The following PIK3IP1 variants were observed in gnomAD, a reference collection of about 807,000 sequenced individuals.
PIK3IP1 encodes the protein phosphoinositide-3-kinase-interacting protein 1.
A neutral mutation model predicts 30.7 loss-of-function variants in PIK3IP1; 28 were observed. The observed-to-expected ratio is 0.91, with a 90% CI of 0.68 to 1.25. PIK3IP1 has a LOEUF of 1.25. PIK3IP1 is among the 50% of genes most tolerant of loss of function. The pLI is 0.00. For missense variants in PIK3IP1, 333 were observed against 346.2 expected, an observed-to-expected ratio of 0.96 and a Z score of 0.30; for synonymous variants, 159 against 140.8, an observed-to-expected ratio of 1.13 and a Z score of -0.91.
rs2049089861 is a variant in PIK3IP1, at chr22:31,281,609, TTTTAA to T, written c.*1470_*1474del. The T allele has an allele frequency of 6.6e-6, 1 of 152,598 alleles. No homozygotes were observed. Among genetic ancestry groups the T allele is most frequent in the African/African-American group, 2.4e-5 (1 of 41,442 alleles). The allele number at this position is 152,598 out of a possible 1,614,324, so 9.5% of individuals were successfully genotyped here. A position where few individuals can be genotyped will look rare whatever the true frequency, so the allele number is the denominator to read the frequency against. ...TTGGCAATGTGGAGTCTTTTTTTTT[TTTTAA>T]TTAAGTCAAATGCAGAGCAATTTCC... On this transcript the variant is annotated 3_prime_UTR_variant, in exon 6 of 6. Transcript: ENST00000215912.
chr22:31,290,744 C>G (rs5997944), intron 3 of PIK3IP1: 1 of 599,078 alleles, frequency 1.7e-6, no homozygotes, highest in Non-Finnish European at 2.7e-6. Context: ...CCTCGCCCCG[C>G]GCAGTTGTTT....
In PIK3IP1 at chr22:31,292,276, T is replaced by C. The variant is rs1376351358; in HGVS notation, c.69A>G (p.Gly23=). 1.2e-6 allele frequency: 2 copies of C among 1,613,900 alleles called. No homozygotes were observed. Among genetic ancestry groups the C allele is most frequent in the South Asian group, 1.1e-5 (1 of 91,080 alleles). The change falls in exon 1 of 6, where the codon GGA becomes GGG. Residue 23 remains glycine (G), a splice_region_variant and synonymous_variant. Transcript: ENST00000215912. ...NMLLAEAYGS[G]GCFWDNGHLY... Reference sequence around the variant, plus strand: ...GGAAAGGAAAGATTGTAATCTCACCTCCAGATCCATAGGCTTCTGCTAGGA... The same window carrying C: ...GGAAAGGAAAGATTGTAATCTCACCCCCAGATCCATAGGCTTCTGCTAGGA...
At chr22:31,291,365 CAG>C (rs1420652340) in intron 1 of PIK3IP1, 69 bp from the exon 2 acceptor site, 14 of 1,485,782 alleles carry the variant, frequency 9.4e-6, no homozygotes, top group African/African-American at 1.4e-5. Flanking sequence ...GCGTGGCGGA[CAG>C]GGGAGCCGGG....
intron 3 of PIK3IP1, chr22:31,290,361 C>G (rs1404977022): frequency 6.6e-6 from 1 of 152,274 alleles, no homozygotes; most frequent in Non-Finnish European, 1.5e-5. Flanking sequence ...TGCACTCCAG[C>G]CTGGGTGACA....
In PIK3IP1 at chr22:31,289,883, G is replaced by A. The variant is rs372588625; in HGVS notation, c.308-184C>T. 208 of 576,732 alleles carry A rather than the reference G, an allele frequency of 3.6e-4. 7 individuals carry two copies. In the South Asian group the frequency reaches 4.7e-3, roughly 13 times the overall value. The allele number at this position is 576,732 out of a possible 1,614,324, so 35.7% of individuals were successfully genotyped here. A position where few individuals can be genotyped will look rare whatever the true frequency, so the allele number is the denominator to read the frequency against. On this transcript the variant is annotated intron_variant, in intron 3 of 5. Transcript: ENST00000215912. The stretch of plus-strand genomic sequence containing the variant: ...GCCTGAGAGGGCTGAACCATCTCAG[G>A]GACAAGGCAAATGAGAGAGGAAGGC...
Position 31,288,328 on chromosome 22 carries a change from G to A in PIK3IP1, c.587+987C>T, listed in dbSNP as rs911792982. On this transcript the variant is annotated intron_variant, in intron 5 of 5. Coordinates refer to ENST00000215912, the MANE Select transcript of PIK3IP1 (RefSeq NM_052880.5). ...TGGGAGGTTGAGGCTGCAGTGAGCC[G>A]TGATCGCACCACTGCACTCAAGCCT... 1.1e-4 allele frequency among the ~76,000 whole-genome samples: 16 copies of A among 150,204 alleles called. 1 individual carries two copies. Among genetic ancestry groups the A allele is most frequent in the African/African-American group, 2.2e-4 (9 of 40,528 alleles).
At chr22:31,289,113 C>T in intron 5 of PIK3IP1, 1 of 611,456 alleles carries the variant, frequency 1.6e-6, no homozygotes, top group Non-Finnish European at 3.0e-6. Context: ...AAGAACATCC[C>T]TCACAAGGCT....
chr22:31,286,710 G>A (rs1343230259), intron 5 of PIK3IP1, among the ~76,000 whole-genome samples: 1 of 152,226 alleles, frequency 6.6e-6, no homozygotes, highest in Admixed American at 6.5e-5. Context: ...TGGAAGGCCT[G>A]GAAACTGTCA....
rs1298505674 is a variant in PIK3IP1 at position 31,281,646 on chromosome 22, A to G, written c.*1438T>C. 6.6e-6 allele frequency: 1 copy of G among 152,270 alleles called. No homozygotes were observed. Among genetic ancestry groups the G allele is most frequent in the Non-Finnish European group, 1.5e-5 (1 of 67,984 alleles). The allele number at this position is 152,270 out of a possible 1,614,324, so 9.4% of individuals were successfully genotyped here. A position where few individuals can be genotyped will look rare whatever the true frequency, so the allele number is the denominator to read the frequency against. On this transcript the variant is annotated 3_prime_UTR_variant, in exon 6 of 6. Coordinates refer to ENST00000215912, the MANE Select transcript of PIK3IP1 (RefSeq NM_052880.5). Reference sequence around the variant, plus strand: ...CAAATGCAGAGCAATTTCCCACACTATATGCAGGTGTCAGAATGAGGTATA... The same window carrying G: ...CAAATGCAGAGCAATTTCCCACACTGTATGCAGGTGTCAGAATGAGGTATA...
chr22:31,285,915 A>G (rs781747492), intron 5 of PIK3IP1, among the ~76,000 whole-genome samples: 1 of 152,138 alleles, frequency 6.6e-6, no homozygotes, highest in Non-Finnish European at 1.5e-5. Flanking sequence ...GCTCATGCCT[A>G]TAATCCCAAC....
rs1325454573 is a variant in PIK3IP1, at chr22:31,291,101, G to A, written c.188-17C>T. The A allele has an allele frequency of 1.9e-6, 3 of 1,547,412 alleles. No homozygotes were observed. The highest frequency in any genetic ancestry group is 2.5e-5 in the East Asian group (1 of 40,542). On this transcript the variant is annotated splice_polypyrimidine_tract_variant and intron_variant, in intron 2 of 5. Transcript: ENST00000215912. ...TGCCGGCCCCTAAGAGAGGAGAGAAGGAAATGTGTGCCGGGGCTGGCACCG... is the reference window on the plus strand; with the variant it reads ...TGCCGGCCCCTAAGAGAGGAGAGAAAGAAATGTGTGCCGGGGCTGGCACCG...
rs1356198205 is a variant in PIK3IP1, at chr22:31,291,007, C to T, written c.265G>A (p.Gly89Ser). Residue 89 changes from glycine to serine, a missense_variant, in exon 3 of 6, where the codon GGC becomes AGC. Physicochemically the swap from Gly to Ser is moderately conservative, Grantham distance 56 (BLOSUM62 0). Transcript: ENST00000215912. Reference protein sequence around the residue: ...GPWCYVSGEAGVPEKRPCEDL... With the variant: ...GPWCYVSGEASVPEKRPCEDL... ...TCGCAAGGCCGTTTCTCAGGGACGC[C>T]GGCCTCGCCACTGACGTAGCACCAG... The T allele has an allele frequency of 6.3e-7, 1 of 1,598,552 alleles. No individual in the cohort carries two copies. The highest frequency in any genetic ancestry group is 8.5e-7 in the Non-Finnish European group (1 of 1,172,788).
chr22:31,285,173 C>T (rs1216224870), intron 5 of PIK3IP1, among the ~76,000 whole-genome samples: 1 of 152,136 alleles, frequency 6.6e-6, no homozygotes, highest in Non-Finnish European at 1.5e-5. Context: ...TGCTATTTTC[C>T]CAGTCAGAGG....
chr22:31,288,691 G>A (rs1210054867), intron 5 of PIK3IP1, among the ~76,000 whole-genome samples: 1 of 152,220 alleles, frequency 6.6e-6, no homozygotes, highest in Non-Finnish European at 1.5e-5. Flanking sequence ...TGCTGTCCCA[G>A]CCACAGGTCA....
intron 5 of PIK3IP1, among the ~76,000 whole-genome samples, chr22:31,284,526 A>G (rs1252812923): frequency 6.6e-6 from 1 of 152,152 alleles, no homozygotes; most frequent in Non-Finnish European, 1.5e-5. Context: ...GGCTGCTCCC[A>G]GCTCCCTTGG....
chr22:31,292,510 C>T, upstream of PIK3IP1: 2 of 609,944 alleles, frequency 3.3e-6, no homozygotes, highest in Non-Finnish European at 2.9e-6. Context: ...AGCTAGCTTG[C>T]TGCAGCGCGA....
chr22:31,288,127 T>G (rs925221678), intron 5 of PIK3IP1, among the ~76,000 whole-genome samples: 1 of 152,056 alleles, frequency 6.6e-6, no homozygotes, highest in African/African-American at 2.4e-5. Flanking sequence ...TTCATGCCTA[T>G]ACACTTTGGG....
intron 3 of PIK3IP1, 26 bp downstream of exon 3, chr22:31,290,939 G>A (rs747322782): frequency 3.2e-6 from 5 of 1,545,554 alleles, no homozygotes; most frequent in East Asian, 2.5e-5. Context: ...CCAGGAGCGG[G>A]GATTCCCGGG....
Position 31,289,352 on chromosome 22 carries a change from T to A in PIK3IP1, c.550A>T (p.Ile184Phe). ...TAGCCCAAGATGATGCCAGCTCCGA[T>A]GGCAATGATGATCACCATCATGGTA... is the stretch of plus-strand genomic sequence containing the variant. Reference protein sequence around the residue: ...GITMMVIIIAIGAGIILGYSY... With the variant: ...GITMMVIIIAFGAGIILGYSY... Residue 184 changes from isoleucine (I) to phenylalanine (F), a missense_variant, in exon 5 of 6, where the codon ATC becomes TTC. Coordinates refer to ENST00000215912, the MANE Select transcript of PIK3IP1 (RefSeq NM_052880.5). The A allele has an allele frequency of 6.2e-7, 1 of 1,613,624 alleles. No individual in the cohort carries two copies. Among genetic ancestry groups the A allele is most frequent in the South Asian group, 1.1e-5 (1 of 91,014 alleles).
Sources: allele counts gnomAD v4.1 joint callset (sites outside exome capture counted in the v4.1 genomes callset), GRCh38; gene constraint gnomAD v4.1.1; transcripts MANE v1.5; gene names NCBI Gene and HGNC (gene_info 2026-07-23, HGNC 2026-07-21).